The following PEBP4 variants were observed in gnomAD, a reference collection of about 807,000 sequenced individuals.
The protein encoded by PEBP4 is phosphatidylethanolamine-binding protein 4.
Under a neutral mutation model 23.9 loss-of-function variants are expected in PEBP4, and 22 were observed. That is an observed-to-expected ratio of 0.92 (90% CI 0.66 to 1.31). The LOEUF is 1.31. Ranked by LOEUF, PEBP4 falls within the 40% of genes most tolerant of loss-of-function variation. The pLI is 0.00. For synonymous variants in PEBP4, 112 were observed against 99.3 expected, an observed-to-expected ratio of 1.13 and a Z score of -0.76; for missense variants, 324 against 281.7, an observed-to-expected ratio of 1.15 and a Z score of -1.07.
At chr8:22,822,067 T>G (rs1383630058) in intron 3 of PEBP4, among the ~76,000 whole-genome samples, 2 of 146,770 alleles carry the variant, frequency 1.4e-5, no homozygotes, top group Non-Finnish European at 3.0e-5. Flanking sequence ...AAGAGAGAAA[T>G]GAAGGAAGGG....
chr8:22,829,961 A>C (rs1807046816), intron 3 of PEBP4, among the ~76,000 whole-genome samples: 1 of 152,176 alleles, frequency 6.6e-6, no homozygotes, highest in Non-Finnish European at 1.5e-5. Context: ...GATGTTTTCC[A>C]ATCCTCATCA....
chr8:22,765,487 A>C (rs1451029043), intron 4 of PEBP4, among the ~76,000 whole-genome samples: 1 of 152,094 alleles, frequency 6.6e-6, no homozygotes, highest in Admixed American at 6.5e-5. Flanking sequence ...AGGGACAAAC[A>C]TTGTCCCTCA....
chr8:22,786,226 T>C (rs1309278650), intron 4 of PEBP4, among the ~76,000 whole-genome samples: 4 of 152,166 alleles, frequency 2.6e-5, no homozygotes, highest in African/African-American at 9.7e-5. Context: ...GGGGCTTGTG[T>C]TCCTTGGTTG....
intron 3 of PEBP4, among the ~76,000 whole-genome samples, chr8:22,893,491 T>C (rs1189942033): frequency 6.6e-6 from 1 of 152,198 alleles, no homozygotes; most frequent in African/African-American, 2.4e-5. Context: ...TGGGAAATGA[T>C]ACAGACAATG....
intron 3 of PEBP4, among the ~76,000 whole-genome samples, chr8:22,822,042 A>G (rs1806869692): frequency 6.6e-6 from 1 of 151,668 alleles, no homozygotes; most frequent in African/African-American, 2.4e-5. Flanking sequence ...CAGGGGAGTT[A>G]CTGTCATAGA....
chr8:22,877,329 G>A (rs1211461292), intron 3 of PEBP4, among the ~76,000 whole-genome samples: 2 of 152,114 alleles, frequency 1.3e-5, no homozygotes, highest in African/African-American at 4.8e-5. Context: ...AAAACGTCAG[G>A]TCCATGTTTT....
chr8:22,830,286 C>T (rs764109310), intron 3 of PEBP4, among the ~76,000 whole-genome samples: 6 of 150,862 alleles, frequency 4.0e-5, no homozygotes, highest in Admixed American at 1.3e-4. Context: ...CGCACCACCA[C>T]GCCTGGCTAA....
At chr8:22,790,733 G>A (rs561870261) in intron 4 of PEBP4, among the ~76,000 whole-genome samples, 2 of 152,298 alleles carry the variant, frequency 1.3e-5, no homozygotes, top group Admixed American at 1.3e-4. Context: ...TCCTTTCTCA[G>A]CAAACAGACG....
intron 6 of PEBP4, among the ~76,000 whole-genome samples, chr8:22,717,807 G>GA (rs1481505298): frequency 6.6e-6 from 1 of 152,114 alleles, no homozygotes; most frequent in Non-Finnish European, 1.5e-5. Context: ...GCCCTGAAGA[G>GA]AAAAAACAAA....
chr8:22,756,921 G>A (rs1489011058), intron 4 of PEBP4: 2 of 152,252 alleles, frequency 1.3e-5, no homozygotes, highest in African/African-American at 4.8e-5. Context: ...TGGGGAAAAG[G>A]CCTGTGTTCA....
At chr8:22,918,929 G>GCACATGTGCA (rs141376967) in intron 3 of PEBP4, among the ~76,000 whole-genome samples, 63,994 of 150,942 alleles carry the variant, frequency 0.42, 14,121 homozygotes, top group East Asian at 0.57. Context: ...GTGTGTGTGT[G>GCACATGTGCA]CACATGTGCA....
chr8:22,925,226 T>C, intron 2 of PEBP4: 2 of 985,460 alleles, frequency 2.0e-6, no homozygotes, highest in Non-Finnish European at 2.4e-6. Flanking sequence ...GACATCTTCC[T>C]GGCATGCAAC....
chr8:22,793,840 A>G (rs529953916), intron 4 of PEBP4, among the ~76,000 whole-genome samples: 1 of 152,316 alleles, frequency 6.6e-6, no homozygotes, highest in Non-Finnish European at 1.5e-5. Flanking sequence ...AGCTATATAC[A>G]TTTTAAAGGC....
intron 4 of PEBP4, among the ~76,000 whole-genome samples, chr8:22,785,577 T>C (rs1806011427): frequency 6.6e-6 from 1 of 152,030 alleles, no homozygotes; most frequent in Non-Finnish European, 1.5e-5. Flanking sequence ...GGGAGGAGGA[T>C]TGAGACACAA....
chr8:22,933,837 T>A (rs1809497575), intron 1 of PEBP4, among the ~76,000 whole-genome samples: 1 of 152,234 alleles, frequency 6.6e-6, no homozygotes, highest in Non-Finnish European at 1.5e-5. Flanking sequence ...TTAGTCCATT[T>A]AGTGCTGTTA....
intron 4 of PEBP4, among the ~76,000 whole-genome samples, chr8:22,806,558 T>A (rs1806497330): frequency 6.9e-6 from 1 of 145,300 alleles, no homozygotes; most frequent in Non-Finnish European, 1.5e-5. Context: ...GAGGTTGCAA[T>A]GAGCCGAGAT....
intron 4 of PEBP4, among the ~76,000 whole-genome samples, chr8:22,751,371 T>C (rs1417413167): frequency 1.3e-5 from 2 of 152,160 alleles, no homozygotes; most frequent in African/African-American, 2.4e-5. Context: ...GCTTCTTCCC[T>C]GCAAATCCTG....
intron 3 of PEBP4, chr8:22,887,907 AC>A (rs1808416455): frequency 6.6e-6 from 1 of 152,228 alleles, no homozygotes; most frequent in African/African-American, 2.4e-5. Context: ...TCAGTAGGTA[AC>A]TGAGTGGGAG....
Position 22,865,802 on chromosome 8 carries a change from G to A in PEBP4, c.259-48067C>T, listed in dbSNP as rs1018762512. 6.6e-6 allele frequency among the ~76,000 whole-genome samples: 1 copy of A among 152,192 alleles called. No homozygotes were observed. Among genetic ancestry groups the A allele is most frequent in the Non-Finnish European group, 1.5e-5 (1 of 68,038 alleles). On this transcript the variant is annotated intron_variant, in intron 3 of 6. Transcript: ENST00000256404. This position sits in a 1 kb window ranked among gnomAD's most constrained non-coding sequence, Gnocchi z 6.9. ...GGCGGCCACTCCCGGGGGCGCGAGCGGCGGCGCCTAGAGGGACCCCCACCC... is the reference window on the plus strand; with the variant it reads ...GGCGGCCACTCCCGGGGGCGCGAGCAGCGGCGCCTAGAGGGACCCCCACCC...
Sources: allele counts gnomAD v4.1 joint callset (sites outside exome capture counted in the v4.1 genomes callset), GRCh38; gene constraint gnomAD v4.1.1; non-coding constraint Gnocchi (gnomAD v3.1); transcripts MANE v1.5; gene names NCBI Gene and HGNC (gene_info 2026-07-23, HGNC 2026-07-21).